Variants in WRNIP1 observed in about 807,000 individuals in gnomAD.
The protein encoded by WRNIP1 is ATPase WRNIP1.
In WRNIP1, 41 loss-of-function variants were observed where a neutral mutation model predicts 56.1. The observed-to-expected ratio is 0.73, with a 90% CI of 0.57 to 0.95. The LOEUF is 0.95. Among genes scored for constraint, WRNIP1 ranks in the 40% least tolerant of loss-of-function variants. The pLI is 0.00. For synonymous variants in WRNIP1, 547 were observed against 398.1 expected (o/e 1.37, Z -4.45); for missense variants, 1,170 against 939.4 (o/e 1.25, Z -3.21).
chr6:2,771,184 T>G (rs1454969712), intron 3 of WRNIP1, among the ~76,000 whole-genome samples: 1 of 152,216 alleles, frequency 6.6e-6, no homozygotes, highest in Non-Finnish European at 1.5e-5. Flanking sequence ...GTGCCTGCCC[T>G]GAGGCCAAGT....
At position 2,766,463 on chromosome 6, in the gene WRNIP1, G is replaced by A. The variant is rs1409257450; in HGVS notation, c.822+19G>A. On this transcript the variant is annotated intron_variant, in intron 1 of 6. Transcript: ENST00000380773. ...CGGCAAGGTGAGTGCGGCCTTGGCC[G>A]TTGGGCTTCCGTAGTTATCTCGGCG... The A allele has an allele frequency of 2.3e-5, 34 of 1,497,818 alleles. No homozygotes were observed. The highest frequency in any genetic ancestry group is 2.7e-5 in the Non-Finnish European group (30 of 1,111,308). The allele number at this position is 1,497,818 out of a possible 1,614,324, so 92.8% of individuals were successfully genotyped here.
At chr6:2,773,731 C>T (rs747864663) in intron 3 of WRNIP1, 300 of 982,286 alleles carry the variant, frequency 3.1e-4, no homozygotes, top group Non-Finnish European at 2.7e-4. Context: ...AATATAGATT[C>T]CTAGGTCATA....
chr6:2,773,992 CA>C, intron 3 of WRNIP1: 1 of 985,294 alleles, frequency 1.0e-6, no homozygotes, highest in Non-Finnish European at 1.2e-6. Flanking sequence ...AGCTGGCCCC[CA>C]AACAAGGTGG....
chr6:2,767,055 T>C (rs1483039720), intron 1 of WRNIP1, among the ~76,000 whole-genome samples: 1 of 152,228 alleles, frequency 6.6e-6, no homozygotes, highest in Non-Finnish European at 1.5e-5. Flanking sequence ...CTGCAAGTCA[T>C]TTTCATCCGG....
At chr6:2,773,928 C>G in intron 3 of WRNIP1, 2 of 985,230 alleles carry the variant, frequency 2.0e-6, no homozygotes, top group Non-Finnish European at 2.4e-6. Flanking sequence ...AGGGCTGTGG[C>G]GTAACTGGGT....
In WRNIP1 at chr6:2,783,451, G is replaced by T. The variant is rs774847287; in HGVS notation, c.1532G>T (p.Arg511Leu). 6.2e-7 allele frequency: 1 copy of T among 1,613,338 alleles called. No individual in the cohort carries two copies. Among genetic ancestry groups the T allele is most frequent in the Non-Finnish European group, 8.5e-7 (1 of 1,179,614 alleles). The change falls in exon 5 of 7, where the codon CGG (arginine) becomes CTG (leucine). Residue 511 changes from arginine (R) to leucine (L), a missense_variant. By Grantham distance (102) the Arg-to-Leu change is moderately radical (BLOSUM62 -2). Coordinates refer to ENST00000380773, the MANE Select transcript of WRNIP1 (RefSeq NM_020135.3). ...ATCTCCGCCCTGCACAAGTCCATGC[G>T]GGGCTCAGACCAGAACGCCTCCCTC... is the stretch of plus-strand genomic sequence containing the variant. ...NCISALHKSMRGSDQNASLYW... is the reference protein window; with the variant it reads ...NCISALHKSMLGSDQNASLYW...
chr6:2,776,612 C>T (rs1236103844), intron 3 of WRNIP1, among the ~76,000 whole-genome samples: 1 of 152,164 alleles, frequency 6.6e-6, no homozygotes, highest in African/African-American at 2.4e-5. Context: ...ATAATCATTG[C>T]TAAAGACTTA....
At chr6:2,769,671 A>G (rs1445715506) in intron 2 of WRNIP1, among the ~76,000 whole-genome samples, 1 of 152,166 alleles carries the variant, frequency 6.6e-6, no homozygotes, top group Non-Finnish European at 1.5e-5. Flanking sequence ...TTCCCCATAA[A>G]ACAGCATAAT....
intron 3 of WRNIP1, among the ~76,000 whole-genome samples, chr6:2,777,123 A>G (rs890302174): frequency 6.6e-6 from 1 of 152,024 alleles, no homozygotes; most frequent in Non-Finnish European, 1.5e-5. Context: ...TATCAAGTAC[A>G]TTTTTATCTC....
chr6:2,784,994 G>C lies in WRNIP1; in HGVS notation c.1723-13G>C, dbSNP rs555709500. On this transcript the variant is annotated splice_polypyrimidine_tract_variant and intron_variant, in intron 6 of 6. Transcript: ENST00000380773. ...ATCTTGCTAGTAAAATGTGTCCTCT[G>C]TGTCATTGGTAGGTGCTTCTGGCCC... The C allele has an allele frequency of 1.7e-5, 27 of 1,613,368 alleles. No individual in the cohort carries two copies. In the African/African-American group the frequency reaches 2.1e-4, roughly 13 times the overall value.
In WRNIP1 at chr6:2,765,937, C is replaced by G. The variant is rs775929236; in HGVS notation, c.315C>G (p.Thr105=). 4.2e-6 allele frequency: 6 copies of G among 1,443,188 alleles called. No homozygotes were observed. The highest frequency in any genetic ancestry group is 5.5e-6 in the Non-Finnish European group (6 of 1,098,792). 89.4% of individuals were successfully genotyped at this position (1,443,188 alleles called of 1,614,324 possible). The change falls in exon 1 of 7, where the codon ACC becomes ACG. Residue 105 remains threonine, a synonymous_variant. Transcript: ENST00000380773. ...EGEEGDDGGE[T]ESRESYDAPP... ...AGGAGGGCGACGACGGCGGCGAGAC[C>G]GAGAGCCGCGAGAGCTACGACGCGC...
In WRNIP1 at chr6:2,768,811, G is replaced by A. The variant is rs778889535; in HGVS notation, c.943G>A (p.Glu315Lys). The A allele has an allele frequency of 1.6e-5, 26 of 1,613,816 alleles. 1 individual carries two copies. In the South Asian group the frequency reaches 2.5e-4, roughly 16 times the overall value. The change falls in exon 2 of 7, where the codon GAA becomes AAA. Residue 315 changes from glutamate to lysine, a missense_variant. Glu to Lys is a moderately conservative substitution (Grantham distance 56). Transcript: ENST00000380773. ...AGATGTCATAAAACAAGCTCAAAAT[G>A]AAAAGAGCTTTTTCAAAAGGAAAAC... Reference protein sequence around the residue: ...VRDVIKQAQNEKSFFKRKTIL... With the variant: ...VRDVIKQAQNKKSFFKRKTIL...
At chr6:2,779,211 C>T (rs1765501500) in intron 3 of WRNIP1, 52 bp from the exon 4 acceptor site, 1 of 1,575,882 alleles carries the variant, frequency 6.3e-7, no homozygotes, top group Non-Finnish European at 8.7e-7. Context: ...ATGTGCAGAA[C>T]AAGAAGTATG....
At chr6:2,770,042 G>A (rs181720971) in intron 2 of WRNIP1, 78 bp from the exon 3 acceptor site, 1 of 1,583,558 alleles carries the variant, frequency 6.3e-7, no homozygotes, top group East Asian at 2.2e-5. Flanking sequence ...AAGGAAGGAA[G>A]GGATAGCCAA....
Position 2,766,362 on chromosome 6 carries a change from G to C in WRNIP1, c.740G>C (p.Gly247Ala), listed in dbSNP as rs1374382358. Residue 247 changes from glycine (G) to alanine (A), a missense_variant, in exon 1 of 7, where the codon GGC becomes GCC. Coordinates refer to ENST00000380773, the MANE Select transcript of WRNIP1 (RefSeq NM_020135.3). ...QDYFGQSKAV[G>A]QDTLLRSLLE... ...TACTTCGGGCAGAGCAAGGCCGTGG[G>C]CCAGGATACCCTGCTGCGCTCGCTC... 1.2e-6 allele frequency: 2 copies of C among 1,609,998 alleles called. No individual in the cohort carries two copies. The highest frequency in any genetic ancestry group is 1.7e-6 in the Non-Finnish European group (2 of 1,178,704).
At position 2,765,781 on chromosome 6, in the gene WRNIP1, G is replaced by T. The variant is rs761237022; in HGVS notation, c.159G>T (p.Gly53=). ...CGGGGCACGCGGAGCCCGCGGCCGG[G>T]TCGCACCGCGCCGGGGAGCGGGCCA... ...HPAGHAEPAA[G]SHRAGERAKG... The change falls in exon 1 of 7, where the codon GGG becomes GGT. Residue 53 remains glycine, a synonymous_variant. Coordinates refer to ENST00000380773, the MANE Select transcript of WRNIP1 (RefSeq NM_020135.3). 39 of 1,439,670 alleles carry T rather than the reference G, an allele frequency of 2.7e-5. No homozygotes were observed. Among genetic ancestry groups the T allele is most frequent in the Non-Finnish European group, 3.1e-5 (34 of 1,097,758 alleles). The allele number at this position is 1,439,670 out of a possible 1,614,324, so 89.2% of individuals were successfully genotyped here.
At chr6:2,767,226 G>GA (rs1167429769) in intron 1 of WRNIP1, among the ~76,000 whole-genome samples, 1 of 152,024 alleles carries the variant, frequency 6.6e-6, no homozygotes, top group Non-Finnish European at 1.5e-5. Flanking sequence ...AAACACTTGA[G>GA]AAAAAAATGG....
At chr6:2,774,277 C>T (rs1297465191) in intron 3 of WRNIP1, 1 of 985,444 alleles carries the variant, frequency 1.0e-6, no homozygotes, top group Non-Finnish European at 1.2e-6. Context: ...GGATGCACTT[C>T]CTGTGGCTGC....
rs764029913 is a variant in WRNIP1 at position 2,768,788 on chromosome 6, A to T, written c.920A>T (p.Asp307Val). Reference sequence around the variant, plus strand: ...AATGCCAAGACAAATGATGTGCGAGATGTCATAAAACAAGCTCAAAATGAA... The same window carrying T: ...AATGCCAAGACAAATGATGTGCGAGTTGTCATAAAACAAGCTCAAAATGAA... ...ATNAKTNDVR[D>V]VIKQAQNEKS... Residue 307 changes from aspartate (D) to valine (V), a missense_variant, in exon 2 of 7, where the codon GAT (aspartate) becomes GTT (valine). Physicochemically the swap from Asp to Val is radical, Grantham distance 152 (BLOSUM62 -3). Coordinates refer to ENST00000380773, the MANE Select transcript of WRNIP1 (RefSeq NM_020135.3). 1 of 1,613,970 alleles carries T rather than the reference A, an allele frequency of 6.2e-7. No homozygotes were observed. The highest frequency in any genetic ancestry group is 8.5e-7 in the Non-Finnish European group (1 of 1,179,966).
Sources: allele counts gnomAD v4.1 joint callset (sites outside exome capture counted in the v4.1 genomes callset), GRCh38; gene constraint gnomAD v4.1.1; transcripts MANE v1.5; gene names NCBI Gene and HGNC (gene_info 2026-07-23, HGNC 2026-07-21).